MDN1: variants seen among roughly 807,000 people sequenced by gnomAD.
MDN1 encodes the protein midasin.
In MDN1, 266 loss-of-function variants were observed where a neutral mutation model predicts 669.2. The ratio of observed to expected loss-of-function variants is 0.40; its 90% CI spans 0.36 to 0.44. The LOEUF (loss-of-function observed/expected upper bound fraction) is 0.44, where lower values mean the gene tolerates loss of function less well. Ranked by LOEUF, MDN1 falls within the 20% of genes least tolerant of loss-of-function variation. The pLI is 1.00. For missense variants in MDN1, 5,940 were observed against 6,754.0 expected, an observed-to-expected ratio of 0.88 and a Z score of 4.22; for synonymous variants, 2,385 against 2,457.1, an observed-to-expected ratio of 0.97 and a Z score of 0.87.
At chr6:89,646,422 TCCTGTGGAGCATACCTA>T (rs1808494915) in intron 100 of MDN1, 101 bp downstream of exon 100, 1 of 826,710 alleles carries the variant, frequency 1.2e-6, no homozygotes, top group East Asian at 2.5e-5. Flanking sequence ...TTATGTCTTT[TCCTGTGGAGCATACCTA>T]TTAAAACACA....
At chr6:89,675,047 C>T (rs1414453595) in intron 78 of MDN1, among the ~76,000 whole-genome samples, 1 of 152,168 alleles carries the variant, frequency 6.6e-6, no homozygotes, top group Admixed American at 6.5e-5. Context: ...TGGGGGATCC[C>T]CAAAGCCTAA....
intron 90 of MDN1, among the ~76,000 whole-genome samples, chr6:89,657,395 G>A (rs746121739): frequency 2.4e-4 from 36 of 152,160 alleles, no homozygotes; most frequent in Non-Finnish European, 4.3e-4. Context: ...AGCAGGTCCT[G>A]CGTTGACATC....
chr6:89,779,956 C>G (rs1462959497), intron 11 of MDN1, among the ~76,000 whole-genome samples: 1 of 151,982 alleles, frequency 6.6e-6, no homozygotes, highest in African/African-American at 2.4e-5. Flanking sequence ...ACCCCAGCTA[C>G]TCGGGAGGCT....
At chr6:89,762,703 C>T (rs894923491) in intron 15 of MDN1, among the ~76,000 whole-genome samples, 173 bp from the exon 16 acceptor site, 42 of 152,106 alleles carry the variant, frequency 2.8e-4, no homozygotes, top group Admixed American at 2.4e-3. Flanking sequence ...TTTCCCCCAT[C>T]GCAAGCATTT....
Position 89,710,678 on chromosome 6 carries a change from T to C in MDN1, c.7765+3A>G, listed in dbSNP as rs756907715. On this transcript the variant is annotated splice_donor_region_variant and intron_variant, in intron 50 of 101. Coordinates refer to ENST00000369393, the MANE Select transcript of MDN1 (RefSeq NM_014611.3). Reference sequence around the variant, plus strand: ...CTGAGAGCTAGAAATCAAAAGTGCATACCTGTTGTATTTGGTTGTAATATT... The same window carrying C: ...CTGAGAGCTAGAAATCAAAAGTGCACACCTGTTGTATTTGGTTGTAATATT... The C allele has an allele frequency of 6.5e-7, 1 of 1,527,332 alleles. No individual in the cohort carries two copies. Among genetic ancestry groups the C allele is most frequent in the South Asian group, 1.2e-5 (1 of 80,890 alleles). The allele number at this position is 1,527,332 out of a possible 1,614,324, so 94.6% of individuals were successfully genotyped here. A position where few individuals can be genotyped will look rare whatever the true frequency, so the allele number is the denominator to read the frequency against.
At chr6:89,759,091 T>G in intron 17 of MDN1, 131 bp from the exon 18 acceptor site, 1 of 845,272 alleles carries the variant, frequency 1.2e-6, no homozygotes, top group Non-Finnish European at 1.8e-6. Flanking sequence ...ATACTTTAAC[T>G]GGCTGACAGC....
At chr6:89,796,009 T>C (rs547703713) in intron 2 of MDN1, among the ~76,000 whole-genome samples, 3 of 150,748 alleles carry the variant, frequency 2.0e-5, no homozygotes, top group East Asian at 4.0e-4. Flanking sequence ...ACCAATGCCA[T>C]GGAAATAAAA....
chr6:89,794,532 A>G (rs1562226644), intron 3 of MDN1, 45 bp downstream of exon 3: 2 of 1,548,734 alleles, frequency 1.3e-6, no homozygotes, highest in Non-Finnish European at 1.8e-6. Flanking sequence ...CATGCCCTGT[A>G]CCATCCCCAC....
At chr6:89,678,902 G>T (rs1190272866) in intron 74 of MDN1, among the ~76,000 whole-genome samples, 157 bp from the exon 75 acceptor site, 1 of 152,132 alleles carries the variant, frequency 6.6e-6, no homozygotes, top group Non-Finnish European at 1.5e-5. Flanking sequence ...CTAGCATTTG[G>T]TAAAATCTCA....
rs769153755 is a variant in MDN1 at position 89,710,740 on chromosome 6, G to A, written c.7706C>T (p.Ser2569Leu). The change falls in exon 50 of 102, where the codon TCA becomes TTA. Residue 2569 changes from serine (S) to leucine (L), a missense_variant. Around this residue, in one of 5 missense-constraint regions of MDN1, gnomAD observed 2,292 missense variants for 2,638.3 expected, o/e 0.87. Transcript: ENST00000369393. ...ASAASLRNFY[S>L]HSLSGAVSNV... ...ACTGACTGCACCTGAGAGGGAATGTGAGTAAAAATTCCTGAGAGATGCAGC... is the reference window on the plus strand; with the variant it reads ...ACTGACTGCACCTGAGAGGGAATGTAAGTAAAAATTCCTGAGAGATGCAGC... The A allele has an allele frequency of 1.2e-6, 2 of 1,602,198 alleles. No homozygotes were observed. The highest frequency in any genetic ancestry group is 1.7e-6 in the Non-Finnish European group (2 of 1,175,734).
rs183291735 is a variant in MDN1 at position 89,693,804 on chromosome 6, T to C, written c.9881+270A>G. 4.6e-3 allele frequency among the ~76,000 whole-genome samples: 698 copies of C among 152,324 alleles called. 4 individuals carry two copies. The highest frequency in any genetic ancestry group is 5.4e-3 in the Non-Finnish European group (370 of 68,026). ...TACAGCCAAGAATAGCAGAGAAATA[T>C]AGTGCATACTATCACACCCCACTTC... is the stretch of plus-strand genomic sequence containing the variant. On this transcript the variant is annotated intron_variant, in intron 62 of 101. Coordinates refer to ENST00000369393, the MANE Select transcript of MDN1 (RefSeq NM_014611.3).
At chr6:89,800,432 AAAAC>A (rs745747385) in intron 2 of MDN1, among the ~76,000 whole-genome samples, 1 of 152,168 alleles carries the variant, frequency 6.6e-6, no homozygotes, top group Non-Finnish European at 1.5e-5. Flanking sequence ...CATCTCAAAA[AAAAC>A]AAACAACGAC....
intron 71 of MDN1, among the ~76,000 whole-genome samples, chr6:89,684,348 A>G (rs1811856476): frequency 2.0e-5 from 3 of 151,996 alleles, no homozygotes; most frequent in Admixed American, 2.0e-4. Flanking sequence ...GGTCTCAAAA[A>G]ACAAAAACAA....
At chr6:89,699,855 G>A in intron 57 of MDN1, 128 bp from the exon 58 acceptor site, 1 of 1,160,950 alleles carries the variant, frequency 8.6e-7, no homozygotes, top group Non-Finnish European at 1.2e-6. Flanking sequence ...CAACTCTACT[G>A]ATAAAATTCT....
At chr6:89,721,344 T>C (rs1339471967) in intron 40 of MDN1, among the ~76,000 whole-genome samples, 2 of 152,182 alleles carry the variant, frequency 1.3e-5, no homozygotes, top group Non-Finnish European at 2.9e-5. Flanking sequence ...GACAGAAAGC[T>C]GAAGTTGAAA....
chr6:89,694,247 G>A (rs962854393), intron 61 of MDN1, 64 bp from the exon 62 acceptor site: 3 of 1,366,542 alleles, frequency 2.2e-6, no homozygotes, highest in South Asian at 2.3e-5. Flanking sequence ...TGAGGACAAT[G>A]TCCTGGGGAC....
At chr6:89,739,096 G>T (rs1208490739) in intron 32 of MDN1, among the ~76,000 whole-genome samples, 1 of 152,166 alleles carries the variant, frequency 6.6e-6, no homozygotes, top group Non-Finnish European at 1.5e-5. Context: ...TTTACTTGAT[G>T]ATCATCTATC....
chr6:89,787,458 A>C (rs908683874), intron 8 of MDN1, among the ~76,000 whole-genome samples: 2 of 152,178 alleles, frequency 1.3e-5, no homozygotes, highest in African/African-American at 4.8e-5. Flanking sequence ...CTTTAGTACA[A>C]GTCATTTCAC....
intron 43 of MDN1, 137 bp downstream of exon 43, chr6:89,718,229 C>T: frequency 1.0e-6 from 1 of 987,258 alleles, no homozygotes; most frequent in Non-Finnish European, 1.5e-6. Flanking sequence ...ATTTTACTTT[C>T]TAGGTCAAAC....
Sources: allele counts gnomAD v4.1 joint callset (sites outside exome capture counted in the v4.1 genomes callset), GRCh38; gene constraint gnomAD v4.1.1; regional missense constraint gnomAD v4.1.1; transcripts MANE v1.5; gene names NCBI Gene and HGNC (gene_info 2026-07-23, HGNC 2026-07-21).